The following DDI1 variants were observed in gnomAD, a reference collection of about 807,000 sequenced individuals.
The protein encoded by DDI1 is DDI proteasomal shuttling factor 1.
In DDI1, 6 loss-of-function variants were observed where a neutral mutation model predicts 7.2. The ratio of observed to expected loss-of-function variants is 0.83; its 90% confidence interval spans 0.46 to 1.64. The LOEUF is 1.64. Ranked by LOEUF, DDI1 falls within the 40% of genes most tolerant of loss-of-function variation. DDI1 has a pLI of 0.01. For synonymous variants in DDI1, 221 were observed against 201.7 expected (o/e 1.10, Z -0.81); for missense variants, 502 against 516.6 (o/e 0.97, Z 0.27).
At position 104,037,284 on chromosome 11, in the gene DDI1, CCA is replaced by C; in HGVS notation, c.464_465del (p.His155ArgfsTer22). ...LIRSMLLSNP[H>X]DLSLLKERNP... is the part of the protein sequence containing the mutation. ...TCCGCAGCATGCTGCTCTCCAACCC[CCA>C]CGATCTGTCCCTGCTCAAGGAACGC... is the stretch of plus-strand genomic sequence containing the variant. On this transcript the variant is annotated frameshift_variant, in exon 1 of 1. Coordinates refer to ENST00000302259, the MANE Select transcript of DDI1 (RefSeq NM_001001711.3). LOFTEE classifies it high-confidence loss of function. 6.2e-7 allele frequency: 1 copy of C among 1,613,386 alleles called. No homozygotes were observed. Among genetic ancestry groups the C allele is most frequent in the Non-Finnish European group, 8.5e-7 (1 of 1,179,450 alleles).
In DDI1 at chr11:104,037,530, G is replaced by A; in HGVS notation, c.708G>A (p.Glu236=). ...ATATAGCGATAGAAGAGGCCCCCGA[G>A]AGTTTTGGACAAGTGACGATGCTCT... ...NMNIAIEEAP[E]SFGQVTMLYI... Residue 236 remains glutamate, a synonymous_variant, in exon 1 of 1, where the codon GAG becomes GAA. Coordinates refer to ENST00000302259, the MANE Select transcript of DDI1 (RefSeq NM_001001711.3). 1 of 1,614,190 alleles carries A rather than the reference G, an allele frequency of 6.2e-7. No individual in the cohort carries two copies. Among genetic ancestry groups the A allele is most frequent in the South Asian group, 1.1e-5 (1 of 91,070 alleles).
rs1565317286 is a variant in DDI1 at position 104,037,433 on chromosome 11, AC to A, written c.614del (p.Pro205HisfsTer10). On this transcript the variant is annotated frameshift_variant, in exon 1 of 1. Transcript: ENST00000302259. LOFTEE classifies it high-confidence loss of function. ...GAGAGGCTTCGTCTCTACACAGCCG[AC>A]CCACTGGATCGGGAAGCTCAGGCCA... ...EQERLRLYTA[D>X]PLDREAQAKI... 1 of 1,614,084 alleles carries A rather than the reference AC, an allele frequency of 6.2e-7. No homozygotes were observed. The highest frequency in any genetic ancestry group is 2.2e-5 in the East Asian group (1 of 44,872).
Position 104,037,045 on chromosome 11 carries a change from C to G in DDI1, c.223C>G (p.Leu75Val). The G allele has an allele frequency of 6.2e-7, 1 of 1,614,260 alleles. No individual in the cohort carries two copies. The highest frequency in any genetic ancestry group is 8.5e-7 in the Non-Finnish European group (1 of 1,180,050). ...GLKDGDIVVL[L>V]QKDNVGPRAP... is the part of the protein sequence containing the mutation. Reference sequence around the variant, plus strand: ...CAAAGATGGCGATATCGTGGTTTTACTGCAGAAGGACAATGTGGGACCTCG... The same window carrying G: ...CAAAGATGGCGATATCGTGGTTTTAGTGCAGAAGGACAATGTGGGACCTCG... Residue 75 changes from leucine to valine, a missense_variant, in exon 1 of 1, where the codon CTG (leucine) becomes GTG (valine). By Grantham distance (32) the Leu-to-Val change is conservative. Transcript: ENST00000302259.
chr11:104,038,168 C>T lies in DDI1; in HGVS notation c.*155C>T. ...CTCAGATGGGTAACTAACGTCAATC[C>T]TGATTCCTTGGTCTTGGTCCCTCTT... On this transcript the variant is annotated 3_prime_UTR_variant, in exon 1 of 1. Transcript: ENST00000302259. The T allele has an allele frequency of 1.9e-5, 14 of 749,032 alleles. No individual in the cohort carries two copies. The highest frequency in any genetic ancestry group is 3.0e-5 in the Non-Finnish European group (14 of 460,986). 46.4% of individuals were successfully genotyped at this position (749,032 alleles called of 1,614,324 possible).
In DDI1 at chr11:104,037,287, C is replaced by G. The variant is rs77123941; in HGVS notation, c.465C>G (p.His155Gln). 2 of 1,613,264 alleles carry G rather than the reference C, an allele frequency of 1.2e-6. No individual in the cohort carries two copies. The highest frequency in any genetic ancestry group is 1.1e-5 in the South Asian group (1 of 91,074). ...LIRSMLLSNP[H>Q]DLSLLKERNP... ...GCAGCATGCTGCTCTCCAACCCCCA[C>G]GATCTGTCCCTGCTCAAGGAACGCA... The change falls in exon 1 of 1, where the codon CAC becomes CAG. Residue 155 changes from histidine to glutamine, a missense_variant. Coordinates refer to ENST00000302259, the MANE Select transcript of DDI1 (RefSeq NM_001001711.3).
At position 104,037,708 on chromosome 11, in the gene DDI1, C is replaced by T. The variant is rs1323362028; in HGVS notation, c.886C>T (p.Gln296Ter). 2 of 1,613,942 alleles carry T rather than the reference C, an allele frequency of 1.2e-6. No individual in the cohort carries two copies. The highest frequency in any genetic ancestry group is 1.7e-6 in the Non-Finnish European group (2 of 1,180,040). The change falls in exon 1 of 1, where the codon CAG becomes TAG. Residue 296 changes from glutamine (Q) to a stop codon, truncating the protein, a stop_gained. Transcript: ENST00000302259. LOFTEE classifies it high-confidence loss of function. ...TGGGGTTGCTAAAGGAGTGGGCACA[C>T]AGAGAATTATTGGCCGTGTTCATCT... ...WAGVAKGVGT[Q>*]RIIGRVHLAQ... is the part of the protein sequence containing the mutation.
In DDI1 at chr11:104,037,002, C is replaced by G. The variant is rs780182363; in HGVS notation, c.180C>G (p.Ser60=). The G allele has an allele frequency of 6.2e-7, 1 of 1,614,236 alleles. No individual in the cohort carries two copies. Among genetic ancestry groups the G allele is most frequent in the South Asian group, 1.1e-5 (1 of 91,090 alleles). Residue 60 remains serine (S), a synonymous_variant, in exon 1 of 1, where the codon TCC becomes TCG. Transcript: ENST00000302259. ...MERLLIEDHC[S]LGSYGLKDGD... ...GACTCCTCATCGAGGACCACTGTTC[C>G]CTGGGCTCCTACGGCCTCAAAGATG...
Position 104,038,278 on chromosome 11 carries a change from A to G in DDI1, c.*265A>G. 1 of 421,202 alleles carries G rather than the reference A, an allele frequency of 2.4e-6. No homozygotes were observed. The highest frequency in any genetic ancestry group is 5.0e-5 in the South Asian group (1 of 20,014). 26.1% of individuals were successfully genotyped at this position (421,202 alleles called of 1,614,324 possible). ...CTGATTTCCAGATAATCCATGAAAA[A>G]GAAAACCAGCTTCTTCCTTTAGAGA... On this transcript the variant is annotated 3_prime_UTR_variant, in exon 1 of 1. Coordinates refer to ENST00000302259, the MANE Select transcript of DDI1 (RefSeq NM_001001711.3).
chr11:104,037,280 A>G lies in DDI1; in HGVS notation c.458A>G (p.Asn153Ser). Residue 153 changes from asparagine to serine, a missense_variant, in exon 1 of 1, where the codon AAC becomes AGC. Transcript: ENST00000302259. ...CTGATCCGCAGCATGCTGCTCTCCAACCCCCACGATCTGTCCCTGCTCAAG... is the reference window on the plus strand; with the variant it reads ...CTGATCCGCAGCATGCTGCTCTCCAGCCCCCACGATCTGTCCCTGCTCAAG... ...PALIRSMLLS[N>S]PHDLSLLKER... 3 of 1,613,212 alleles carry G rather than the reference A, an allele frequency of 1.9e-6. No homozygotes were observed. The highest frequency in any genetic ancestry group is 2.5e-6 in the Non-Finnish European group (3 of 1,179,428).
chr11:104,037,866 G>T lies in DDI1; in HGVS notation c.1044G>T (p.Val348=). Residue 348 remains valine (V), a synonymous_variant, in exon 1 of 1, where the codon GTG becomes GTT. Transcript: ENST00000302259. ...GTTCCATCGATTTGAAGAAAAATGT[G>T]CTGGTCATCGGCACCACTGGCACGC... The part of the protein sequence containing the change: ...HQCSIDLKKN[V]LVIGTTGTQT... 1 of 1,614,176 alleles carries T rather than the reference G, an allele frequency of 6.2e-7. No homozygotes were observed. Among genetic ancestry groups the T allele is most frequent in the Non-Finnish European group, 8.5e-7 (1 of 1,180,036 alleles).
rs756117981 is a variant in DDI1 at position 104,038,019 on chromosome 11, G to C, written c.*6G>C. 18 of 1,605,568 alleles carry C rather than the reference G, an allele frequency of 1.1e-5. No homozygotes were observed. Among genetic ancestry groups the C allele is most frequent in the Non-Finnish European group, 1.5e-5 (18 of 1,173,678 alleles). Reference sequence around the variant, plus strand: ...CAGGACGAAAAGAGCATTAAAGCACGTTATAAATATGTTACCACCTTGAGG... The same window carrying C: ...CAGGACGAAAAGAGCATTAAAGCACCTTATAAATATGTTACCACCTTGAGG... On this transcript the variant is annotated 3_prime_UTR_variant, in exon 1 of 1. Coordinates refer to ENST00000302259, the MANE Select transcript of DDI1 (RefSeq NM_001001711.3).
At position 104,037,733 on chromosome 11, in the gene DDI1, T is replaced by C; in HGVS notation, c.911T>C (p.Leu304Pro). The C allele has an allele frequency of 1.9e-6, 3 of 1,614,196 alleles. No homozygotes were observed. Among genetic ancestry groups the C allele is most frequent in the Non-Finnish European group, 2.5e-6 (3 of 1,180,046 alleles). ...CAGAGAATTATTGGCCGTGTTCATC[T>C]AGCTCAGATTCAAATTGAAGGTGAT... ...GTQRIIGRVH[L>P]AQIQIEGDFL... is the part of the protein sequence containing the mutation. Residue 304 changes from leucine to proline, a missense_variant, in exon 1 of 1, where the codon CTA becomes CCA. Physicochemically the swap from Leu to Pro is moderately conservative, Grantham distance 98. Transcript: ENST00000302259.
At position 104,036,887 on chromosome 11, in the gene DDI1, G is replaced by A; in HGVS notation, c.65G>A (p.Ser22Asn). 1.2e-6 allele frequency: 2 copies of A among 1,614,160 alleles called. No individual in the cohort carries two copies. Among genetic ancestry groups the A allele is most frequent in the Non-Finnish European group, 8.5e-7 (1 of 1,180,024 alleles). ...GAGGTCACCTTCTCTCTCCAGGTCA[G>A]CCCCGACTTTGAGCTCCGAAACTTC... ...LSEVTFSLQVSPDFELRNFKV... is the reference protein window; with the variant it reads ...LSEVTFSLQVNPDFELRNFKV... Residue 22 changes from serine to asparagine, a missense_variant, in exon 1 of 1, where the codon AGC (serine) becomes AAC (asparagine). Transcript: ENST00000302259.
Position 104,038,292 on chromosome 11 carries a change from T to C in DDI1, c.*279T>C. On this transcript the variant is annotated 3_prime_UTR_variant, in exon 1 of 1. Coordinates refer to ENST00000302259, the MANE Select transcript of DDI1 (RefSeq NM_001001711.3). ...ATCCATGAAAAAGAAAACCAGCTTC[T>C]TCCTTTAGAGACACTATCCTATCAG... 2.6e-6 allele frequency: 1 copy of C among 390,678 alleles called. No homozygotes were observed. The highest frequency in any genetic ancestry group is 4.8e-6 in the Non-Finnish European group (1 of 207,678). The allele number at this position is 390,678 out of a possible 1,614,324, so 24.2% of individuals were successfully genotyped here.
chr11:104,037,996 G>C lies in DDI1; in HGVS notation c.1174G>C (p.Gly392Arg), dbSNP rs1197233642. Residue 392 changes from glycine to arginine, a missense_variant, in exon 1 of 1, where the codon GGA becomes CGA. Physicochemically the swap from Gly to Arg is moderately radical, Grantham distance 125. Transcript: ENST00000302259. ...KEITHSVMDS[G>R]RKEH ...AATTACACATTCAGTCATGGATTCAGGACGAAAAGAGCATTAAAGCACGTT... is the reference window on the plus strand; with the variant it reads ...AATTACACATTCAGTCATGGATTCACGACGAAAAGAGCATTAAAGCACGTT... 1 of 1,612,742 alleles carries C rather than the reference G, an allele frequency of 6.2e-7. No individual in the cohort carries two copies. Among genetic ancestry groups the C allele is most frequent in the African/African-American group, 1.3e-5 (1 of 74,860 alleles).
At position 104,036,910 on chromosome 11, in the gene DDI1, T is replaced by G. The variant is rs1459048508; in HGVS notation, c.88T>G (p.Phe30Val). The change falls in exon 1 of 1, where the codon TTC becomes GTC. Residue 30 changes from phenylalanine (F) to valine (V), a missense_variant. Physicochemically the swap from Phe to Val is conservative, Grantham distance 50. Transcript: ENST00000302259. ...QVSPDFELRN[F>V]KVLCEAESRV... is the part of the protein sequence containing the mutation. ...CAGCCCCGACTTTGAGCTCCGAAAC[T>G]TCAAGGTCCTCTGCGAAGCGGAGTC... 3 of 1,614,122 alleles carry G rather than the reference T, an allele frequency of 1.9e-6. No homozygotes were observed. The highest frequency in any genetic ancestry group is 1.7e-5 in the Admixed American group (1 of 60,020).
In DDI1 at chr11:104,037,032, T is replaced by C. The variant is rs781551314; in HGVS notation, c.210T>C (p.Asp70=). The change falls in exon 1 of 1, where the codon GAT becomes GAC. Residue 70 remains aspartate (D), a synonymous_variant. Transcript: ENST00000302259. ...SLGSYGLKDG[D]IVVLLQKDNV... ...GCTCCTACGGCCTCAAAGATGGCGA[T>C]ATCGTGGTTTTACTGCAGAAGGACA... 1.2e-6 allele frequency: 2 copies of C among 1,614,164 alleles called. No homozygotes were observed. The highest frequency in any genetic ancestry group is 1.3e-5 in the African/African-American group (1 of 75,048).
Position 104,037,501 on chromosome 11 carries a change from A to G in DDI1, c.679A>G (p.Met227Val). The G allele has an allele frequency of 6.2e-7, 1 of 1,614,162 alleles. No individual in the cohort carries two copies. Among genetic ancestry groups the G allele is most frequent in the Non-Finnish European group, 8.5e-7 (1 of 1,180,044 alleles). The change falls in exon 1 of 1, where the codon ATG becomes GTG. Residue 227 changes from methionine (M) to valine (V), a missense_variant. By Grantham distance (21) the Met-to-Val change is conservative. Coordinates refer to ENST00000302259, the MANE Select transcript of DDI1 (RefSeq NM_001001711.3). The part of the protein sequence containing the change: ...EIRQQNIEEN[M>V]NIAIEEAPES... Reference sequence around the variant, plus strand: ...CCGGCAGCAAAACATTGAAGAAAACATGAATATAGCGATAGAAGAGGCCCC... The same window carrying G: ...CCGGCAGCAAAACATTGAAGAAAACGTGAATATAGCGATAGAAGAGGCCCC...
Position 104,037,581 on chromosome 11 carries a change from T to C in DDI1, c.759T>C (p.His253=). 1 of 1,614,022 alleles carries C rather than the reference T, an allele frequency of 6.2e-7. No individual in the cohort carries two copies. The highest frequency in any genetic ancestry group is 1.1e-5 in the South Asian group (1 of 91,066). Residue 253 remains histidine (H), a synonymous_variant, in exon 1 of 1, where the codon CAT becomes CAC. Transcript: ENST00000302259. The part of the protein sequence containing the change: ...MLYINCKVNG[H]PLKAFVDSGA... The stretch of plus-strand genomic sequence containing the variant: ...ACATTAACTGCAAAGTGAATGGGCA[T>C]CCTTTGAAGGCTTTTGTTGACTCGG...
Sources: allele counts gnomAD v4.1 joint callset, GRCh38; gene constraint gnomAD v4.1.1; transcripts MANE v1.5; gene names NCBI Gene and HGNC (gene_info 2026-07-23, HGNC 2026-07-21).